Variants in GRID1 observed in about 807,000 individuals in gnomAD.
GRID1 encodes the protein glutamate receptor ionotropic, delta-1.
A neutral mutation model predicts 98.0 loss-of-function variants in GRID1; 28 were observed. That is an observed-to-expected ratio of 0.29 (90% confidence interval 0.21 to 0.39). GRID1 has a LOEUF of 0.39. Ranked by LOEUF, GRID1 falls within the 10% of genes least tolerant of loss-of-function variation. GRID1 has a pLI of 1.00. For synonymous variants in GRID1, 553 were observed against 538.5 expected, an observed-to-expected ratio of 1.03 and a Z score of -0.37; for missense variants, 1,111 against 1,340.5, an observed-to-expected ratio of 0.83 and a Z score of 2.67.
intron 5 of GRID1, among the ~76,000 whole-genome samples, chr10:85,874,722 T>G (rs1843310982): frequency 6.6e-6 from 1 of 152,228 alleles, no homozygotes; most frequent in African/African-American, 2.4e-5. Flanking sequence ...GTGGTCAGTT[T>G]GTACTACATG....
chr10:85,763,863 C>T (rs1221374239), intron 8 of GRID1, among the ~76,000 whole-genome samples: 2 of 152,022 alleles, frequency 1.3e-5, no homozygotes, highest in African/African-American at 4.8e-5. Flanking sequence ...CCAAAAGGTA[C>T]CAATTCATGA....
chr10:86,307,413 G>T (rs12257462), intron 2 of GRID1, among the ~76,000 whole-genome samples: 1 of 152,226 alleles, frequency 6.6e-6, no homozygotes, highest in East Asian at 1.9e-4. Context: ...CCTAGAGAAC[G>T]TTATGCTTTG....
At chr10:86,315,974 C>A (rs1847893502) in intron 2 of GRID1, among the ~76,000 whole-genome samples, 1 of 152,092 alleles carries the variant, frequency 6.6e-6, no homozygotes, top group Non-Finnish European at 1.5e-5. Context: ...TCTGTCAACC[C>A]ATCCACTCAT....
intron 8 of GRID1, among the ~76,000 whole-genome samples, chr10:85,795,392 G>A (rs1217948600): frequency 1.3e-5 from 2 of 152,096 alleles, no homozygotes; most frequent in African/African-American, 4.8e-5. Context: ...CTTACAAGAC[G>A]CACCTCAGAG....
intron 8 of GRID1, among the ~76,000 whole-genome samples, chr10:85,764,170 A>T (rs58684172): frequency 0.015 from 2,215 of 152,194 alleles, 48 homozygotes; most frequent in African/African-American, 0.05. Flanking sequence ...TGCTCAGTAA[A>T]TCCTTCCCAG....
chr10:86,297,288 G>A (rs1847607028), intron 2 of GRID1, among the ~76,000 whole-genome samples: 1 of 152,058 alleles, frequency 6.6e-6, no homozygotes, highest in East Asian at 1.9e-4. Context: ...TAGAAATATG[G>A]ATCAGAATTT....
In GRID1 at chr10:86,195,672, G is replaced by A. The variant is rs1589406460; in HGVS notation, c.520+10692C>T. Among the ~76,000 whole-genome samples the A allele has an allele frequency of 6.6e-6, 1 of 152,278 alleles. No homozygotes were observed. Among genetic ancestry groups the A allele is most frequent in the Middle Eastern group, 3.4e-3 (1 of 294 alleles). On this transcript the variant is annotated intron_variant, in intron 3 of 15. Coordinates refer to ENST00000327946, the MANE Select transcript of GRID1 (RefSeq NM_017551.3). The surrounding 1 kb of genome is among the most constrained non-coding windows in gnomAD (Gnocchi z 4.4). ...CGACCACGCCATCAGGTGGGTAAGA[G>A]GATAACTTCCAGCAAGGAACTGGGT...
At chr10:85,671,470 G>T (rs370037046) in intron 12 of GRID1, among the ~76,000 whole-genome samples, 28 of 152,202 alleles carry the variant, frequency 1.8e-4, no homozygotes, top group African/African-American at 6.5e-4. Flanking sequence ...GCCACAAACT[G>T]CCCTTATAAG....
At chr10:86,143,391 C>A (rs1019375491) in intron 3 of GRID1, among the ~76,000 whole-genome samples, 1 of 152,124 alleles carries the variant, frequency 6.6e-6, no homozygotes, top group Non-Finnish European at 1.5e-5. Flanking sequence ...TACCCCATCC[C>A]CCCAAAAAAC....
intron 2 of GRID1, among the ~76,000 whole-genome samples, chr10:86,226,286 C>T (rs924411319): frequency 2.6e-5 from 4 of 151,472 alleles, no homozygotes; most frequent in Non-Finnish European, 4.4e-5. Flanking sequence ...TGAGCTGACA[C>T]CCCATGAAGC....
chr10:85,754,484 T>A (rs756191738), intron 8 of GRID1, among the ~76,000 whole-genome samples: 2 of 152,174 alleles, frequency 1.3e-5, no homozygotes, highest in East Asian at 3.8e-4. Context: ...AGAGTGATCC[T>A]CTGAGCATAT....
chr10:85,855,433 C>T (rs1483872553), intron 7 of GRID1, among the ~76,000 whole-genome samples: 1 of 152,220 alleles, frequency 6.6e-6, no homozygotes, highest in Non-Finnish European at 1.5e-5. Flanking sequence ...GGGGCCCTGG[C>T]TCTGCCCTGG....
intron 8 of GRID1, among the ~76,000 whole-genome samples, chr10:85,733,574 C>CA (rs1421650347): frequency 1.3e-5 from 2 of 152,052 alleles, no homozygotes; most frequent in East Asian, 1.9e-4. Context: ...TTTTTGTATA[C>CA]AAAAAAATAC....
At chr10:86,363,703 C>A (rs1471494826) in intron 2 of GRID1, among the ~76,000 whole-genome samples, 1 of 152,184 alleles carries the variant, frequency 6.6e-6, no homozygotes, top group African/African-American at 2.4e-5. Context: ...CCACGCAACC[C>A]GCAAGAACAC....
At chr10:85,977,923 G>T (rs543999322) in intron 4 of GRID1, among the ~76,000 whole-genome samples, 3 of 152,304 alleles carry the variant, frequency 2.0e-5, no homozygotes, top group Admixed American at 2.0e-4. Flanking sequence ...TGCCCTGAAT[G>T]ATGGACATGA....
At chr10:85,753,393 G>T (rs1486981954) in intron 8 of GRID1, among the ~76,000 whole-genome samples, 1 of 152,160 alleles carries the variant, frequency 6.6e-6, no homozygotes, top group Non-Finnish European at 1.5e-5. Flanking sequence ...AGGCCTAAAT[G>T]ATTCGGCTGG....
intron 4 of GRID1, among the ~76,000 whole-genome samples, chr10:85,964,134 G>C (rs1404653579): frequency 1.3e-5 from 2 of 152,148 alleles, no homozygotes; most frequent in African/African-American, 4.8e-5. Flanking sequence ...GGAAATAAGA[G>C]AGGACACAAA....
At chr10:85,991,196 T>C (rs577116640) in intron 4 of GRID1, among the ~76,000 whole-genome samples, 1 of 152,302 alleles carries the variant, frequency 6.6e-6, no homozygotes, top group African/African-American at 2.4e-5. Flanking sequence ...CTTACGATGC[T>C]GGTGGATCCA....
intron 2 of GRID1, among the ~76,000 whole-genome samples, chr10:86,260,739 A>G (rs751319001): frequency 1.3e-5 from 2 of 152,196 alleles, no homozygotes; most frequent in Non-Finnish European, 2.9e-5. Flanking sequence ...GATAACCATG[A>G]TAACAGACAC....
Sources: allele counts gnomAD v4.1 joint callset (sites outside exome capture counted in the v4.1 genomes callset), GRCh38; gene constraint gnomAD v4.1.1; non-coding constraint Gnocchi (gnomAD v3.1); transcripts MANE v1.5; gene names NCBI Gene and HGNC (gene_info 2026-07-23, HGNC 2026-07-21).